Variants in SIRT4 observed in about 807,000 individuals in gnomAD.
The protein encoded by SIRT4 is sirtuin 4.
Under a neutral mutation model 26.1 loss-of-function variants are expected in SIRT4, and 23 were observed. The ratio of observed to expected loss-of-function variants is 0.88; its 90% CI spans 0.63 to 1.25. The LOEUF (loss-of-function observed/expected upper bound fraction) is 1.25. SIRT4 is among the 50% of genes most tolerant of loss of function. SIRT4 has a pLI of 0.00. For synonymous variants in SIRT4, 155 were observed against 158.4 expected, an observed-to-expected ratio of 0.98 and a Z score of 0.16; for missense variants, 361 against 405.4, an observed-to-expected ratio of 0.89 and a Z score of 0.94.
chr12:120,298,166 A>G (rs377668704), upstream of SIRT4, among the ~76,000 whole-genome samples: 1 of 138,200 alleles, frequency 7.2e-6, no homozygotes, highest in African/African-American at 2.8e-5. Context: ...ATTGCACTCC[A>G]GCCTGGTCAA....
the SIRT4 span, among the ~76,000 whole-genome samples, chr12:120,294,292 C>T: frequency 6.7e-6 from 1 of 149,304 alleles, no homozygotes; most frequent in African/African-American, 2.5e-5. Context: ...CTTCACCCAG[C>T]CCATTTATTC....
At chr12:120,298,475 C>T (rs1311007944), upstream of SIRT4, among the ~76,000 whole-genome samples, 1 of 151,562 alleles carries the variant, frequency 6.6e-6, no homozygotes, top group African/African-American at 2.4e-5. Context: ...ACCTGTAGTC[C>T]CAGCTACTCA....
At chr12:120,301,522 G>A (rs1342506556), upstream of SIRT4, among the ~76,000 whole-genome samples, 2 of 152,126 alleles carry the variant, frequency 1.3e-5, no homozygotes, top group South Asian at 2.1e-4. Flanking sequence ...AATCTAGGCC[G>A]GGAACAGTGG....
chr12:120,293,271 A>G, the SIRT4 span: 1 of 152,208 alleles, frequency 6.6e-6, no homozygotes, highest in African/African-American at 2.4e-5. Flanking sequence ...CACTCCCAAT[A>G]AACCAGCTTC....
chr12:120,304,042 C>T lies in SIRT4; in HGVS notation c.481C>T (p.His161Tyr), dbSNP rs779594236. 7 of 1,608,284 alleles carry T rather than the reference C, an allele frequency of 4.4e-6. No individual in the cohort carries two copies. In the Admixed American group the frequency reaches 1.2e-4, roughly 27 times the overall value. The change falls in exon 2 of 4, where the codon CAC becomes TAC. Residue 161 changes from histidine (H) to tyrosine (Y), a missense_variant. His to Tyr is a moderately conservative substitution (Grantham distance 83, BLOSUM62 2). Transcript: ENST00000202967. ...GGGGAGTCGGCGCCTGACAGAGCTC[C>T]ACGGATGCATGGACAGGTGCAGGAG... ...KAGSRRLTEL[H>Y]GCMDRVLCLD...
upstream of SIRT4, among the ~76,000 whole-genome samples, chr12:120,299,044 G>C (rs1025335676): frequency 6.7e-6 from 1 of 149,190 alleles, no homozygotes; most frequent in African/African-American, 2.5e-5. Flanking sequence ...GGCTAACACG[G>C]TGAAACCCCG....
At chr12:120,295,533 A>G in the SIRT4 span, among the ~76,000 whole-genome samples, 1 of 148,420 alleles carries the variant, frequency 6.7e-6, no homozygotes, top group Non-Finnish European at 1.5e-5. Flanking sequence ...AAGTGCTGGG[A>G]TTACAGGTGT....
chr12:120,293,177 T>G, the SIRT4 span: 8 of 152,288 alleles, frequency 5.3e-5, no homozygotes, highest in East Asian at 1.2e-3. Context: ...AAGTTTTCAA[T>G]TAGCAATAAT....
upstream of SIRT4, among the ~76,000 whole-genome samples, chr12:120,301,040 T>C (rs1263391088): frequency 6.6e-6 from 1 of 152,196 alleles, no homozygotes; most frequent in Non-Finnish European, 1.5e-5. Context: ...TTTGGCTTCA[T>C]ATTAACTGTA....
At chr12:120,299,246 T>TA (rs1555328042), upstream of SIRT4, among the ~76,000 whole-genome samples, 4 of 146,142 alleles carry the variant, frequency 2.7e-5, no homozygotes, top group African/African-American at 1.0e-4. Flanking sequence ...AATAAATAAA[T>TA]ACAATAATAA....
chr12:120,301,466 G>A (rs914618219), upstream of SIRT4, among the ~76,000 whole-genome samples: 2 of 152,140 alleles, frequency 1.3e-5, no homozygotes, highest in East Asian at 1.9e-4. Context: ...TGATACTGTC[G>A]TTGTGAATGA....
intron 2 of SIRT4, among the ~76,000 whole-genome samples, chr12:120,308,391 G>A (rs191729068): frequency 1.3e-5 from 2 of 151,162 alleles, no homozygotes; most frequent in East Asian, 3.9e-4. Context: ...GGCTGGTCTC[G>A]AACTCACTCC....
At chr12:120,310,226 C>T (rs1040208868) in intron 2 of SIRT4, among the ~76,000 whole-genome samples, 9 of 151,770 alleles carry the variant, frequency 5.9e-5, no homozygotes, top group South Asian at 2.1e-4. Context: ...ATTAGCTGGG[C>T]GTGGTGGCAG....
At chr12:120,293,217 A>G in the SIRT4 span, 9 of 152,294 alleles carry the variant, frequency 5.9e-5, no homozygotes, top group Admixed American at 2.6e-4. Context: ...ATTGGCTACG[A>G]TACTGCCACT....
At chr12:120,292,801 C>G in the SIRT4 span, among the ~76,000 whole-genome samples, 8 of 151,626 alleles carry the variant, frequency 5.3e-5, no homozygotes, top group South Asian at 1.7e-3. Flanking sequence ...CGACAGACTT[C>G]GTCTCAAAAA....
In SIRT4 at chr12:120,312,996, C is replaced by T. The variant is rs1235241678; in HGVS notation, c.905C>T (p.Ser302Phe). ...GACTTGGCGTGTCTGAAACTGAATT[C>T]TCGTTGTGGAGAGTTGCTGCCTTTG... The part of the protein sequence containing the change: ...SDDLACLKLN[S>F]RCGELLPLID... Residue 302 changes from serine to phenylalanine, a missense_variant, in exon 4 of 4, where the codon TCT becomes TTT. Ser to Phe is a radical substitution (Grantham distance 155). Coordinates refer to ENST00000202967, the MANE Select transcript of SIRT4 (RefSeq NM_012240.3). The T allele has an allele frequency of 4.3e-6, 7 of 1,614,154 alleles. No homozygotes were observed. In the East Asian group the frequency reaches 1.3e-4, roughly 31 times the overall value.
rs145385123 is a variant in SIRT4 at position 120,303,881 on chromosome 12, C to T, written c.320C>T (p.Ala107Val). ...GCCCCAATCCGCCAGCGGTACTGGG[C>T]GAGAAACTTCGTAGGCTGGCCTCAA... ...RSAPIRQRYWARNFVGWPQFS... is the reference protein window; with the variant it reads ...RSAPIRQRYWVRNFVGWPQFS... The change falls in exon 2 of 4, where the codon GCG (alanine) becomes GTG (valine). Residue 107 changes from alanine to valine, a missense_variant. Physicochemically the swap from Ala to Val is moderately conservative, Grantham distance 64 (BLOSUM62 0). Coordinates refer to ENST00000202967, the MANE Select transcript of SIRT4 (RefSeq NM_012240.3). The T allele has an allele frequency of 5.8e-5, 94 of 1,614,054 alleles. No individual in the cohort carries two copies. The Middle Eastern group carries it at 9.9e-4, about 17-fold the overall frequency.
upstream of SIRT4, chr12:120,302,214 G>A (rs764307000): frequency 6.6e-6 from 1 of 152,142 alleles, no homozygotes; most frequent in Non-Finnish European, 1.5e-5. Flanking sequence ...AGCCGACAGG[G>A]GGCGTTCCTG....
chr12:120,312,403 G>C, intron 2 of SIRT4, 53 bp from the exon 3 acceptor site: 1 of 1,523,268 alleles, frequency 6.6e-7, no homozygotes, highest in Non-Finnish European at 8.8e-7. Context: ...GTCTCTGACA[G>C]CTTTGTGCCT....
Sources: allele counts gnomAD v4.1 joint callset (sites outside exome capture counted in the v4.1 genomes callset), GRCh38; gene constraint gnomAD v4.1.1; transcripts MANE v1.5; gene names NCBI Gene and HGNC (gene_info 2026-07-23, HGNC 2026-07-21).